Variants in PRKCB observed in about 807,000 individuals in gnomAD.
PRKCB encodes protein kinase C beta, also known as protein kinase C beta type.
A neutral mutation model predicts 81.5 loss-of-function variants in PRKCB; 13 were observed. The observed-to-expected ratio is 0.16, with a 90% CI of 0.10 to 0.25. The LOEUF (loss-of-function observed/expected upper bound fraction) is 0.25, where lower values mean the gene tolerates loss of function less well. PRKCB is among the 10% of genes least tolerant of loss of function. PRKCB has a pLI of 1.00. For synonymous variants in PRKCB, 335 were observed against 321.4 expected, an observed-to-expected ratio of 1.04 and a Z score of -0.45; for missense variants, 509 against 875.7, an observed-to-expected ratio of 0.58 and a Z score of 5.29.
At chr16:23,961,766 A>G (rs1350414672) in intron 2 of PRKCB, among the ~76,000 whole-genome samples, 1 of 152,160 alleles carries the variant, frequency 6.6e-6, no homozygotes, top group Non-Finnish European at 1.5e-5. Flanking sequence ...CCAAATCCAA[A>G]AAGTTAAAAT....
chr16:23,926,770 C>T lies in PRKCB; in HGVS notation c.206-61738C>T, dbSNP rs112472288. Among the ~76,000 whole-genome samples the T allele has an allele frequency of 7.3e-3, 1,108 of 151,796 alleles. 3 individuals are homozygous for T. The highest frequency in any genetic ancestry group is 0.031 in the Middle Eastern group (9 of 292). ...ATCTTTGCTATTGTACTGTGATAAA[C>T]GTATGAGTGCAGGCATCTTTTATAT... On this transcript the variant is annotated intron_variant, in intron 2 of 16. Coordinates refer to ENST00000643927, the MANE Select transcript of PRKCB (RefSeq NM_002738.7).
chr16:23,998,678 G>A (rs749842550), intron 3 of PRKCB, among the ~76,000 whole-genome samples: 24 of 152,184 alleles, frequency 1.6e-4, no homozygotes, highest in Non-Finnish European at 2.6e-4. Flanking sequence ...AAAGCACTTA[G>A]GACAGTGTCT....
chr16:24,035,308 C>A, intron 4 of PRKCB, 111 bp from the exon 5 acceptor site: 1 of 1,392,834 alleles, frequency 7.2e-7, no homozygotes, highest in Non-Finnish European at 9.8e-7. Context: ...TGTGTCTCAG[C>A]TGTCTCAAAG....
intron 2 of PRKCB, among the ~76,000 whole-genome samples, chr16:23,935,028 AC>A (rs1266876897): frequency 6.6e-6 from 1 of 152,186 alleles, no homozygotes; most frequent in African/African-American, 2.4e-5. Flanking sequence ...GGCAGCAGGC[AC>A]ATCTGGAACC....
At chr16:23,898,817 C>T (rs529048403) in intron 2 of PRKCB, among the ~76,000 whole-genome samples, 17 of 152,130 alleles carry the variant, frequency 1.1e-4, no homozygotes, top group African/African-American at 2.9e-4. Flanking sequence ...AGGGACCATG[C>T]GATCCTTAAC....
intron 9 of PRKCB, among the ~76,000 whole-genome samples, chr16:24,147,610 G>C (rs888914859): frequency 6.6e-6 from 1 of 152,180 alleles, no homozygotes; most frequent in Admixed American, 6.5e-5. Context: ...AAGAGGAATA[G>C]GACCAGGATC....
At chr16:24,097,914 C>T (rs1252849179) in intron 7 of PRKCB, among the ~76,000 whole-genome samples, 1 of 152,110 alleles carries the variant, frequency 6.6e-6, no homozygotes, top group Non-Finnish European at 1.5e-5. Context: ...GATGAAGCCT[C>T]CAGGTAGCAG....
chr16:23,888,776 A>G (rs77736773), intron 2 of PRKCB, among the ~76,000 whole-genome samples: 9,700 of 152,124 alleles, frequency 0.064, 1,008 homozygotes, highest in African/African-American at 0.22. Flanking sequence ...GCTACTGTGC[A>G]GGGACTGGGT....
intron 1 of PRKCB, among the ~76,000 whole-genome samples, chr16:23,836,972 C>T (rs928102033): frequency 5.9e-5 from 9 of 151,534 alleles, no homozygotes; most frequent in African/African-American, 1.9e-4. Context: ...GCATCCTTTC[C>T]TCCTTCCCAG....
intron 2 of PRKCB, among the ~76,000 whole-genome samples, chr16:23,892,728 C>A (rs74014172): frequency 0.015 from 2,349 of 152,116 alleles, 51 homozygotes; most frequent in African/African-American, 0.054. Context: ...TGGATGGGAG[C>A]TCAACACAAT....
chr16:23,984,343 A>T (rs894668991), intron 2 of PRKCB, among the ~76,000 whole-genome samples: 1 of 152,226 alleles, frequency 6.6e-6, no homozygotes, highest in African/African-American at 2.4e-5. Context: ...GTACAGGAAG[A>T]TGAGGTAGTG....
chr16:23,980,383 C>T (rs1023694374), intron 2 of PRKCB, among the ~76,000 whole-genome samples: 1 of 152,076 alleles, frequency 6.6e-6, no homozygotes, highest in East Asian at 1.9e-4. Flanking sequence ...AGTGGTTCTC[C>T]CAGCAGCTGT....
At chr16:23,873,467 C>T (rs866918019) in intron 2 of PRKCB, among the ~76,000 whole-genome samples, 3 of 152,042 alleles carry the variant, frequency 2.0e-5, no homozygotes, top group African/African-American at 7.2e-5. Context: ...TGTTTTTGGA[C>T]CATGGGTTTT....
chr16:24,062,663 G>T (rs1965987800), intron 5 of PRKCB, among the ~76,000 whole-genome samples: 1 of 152,054 alleles, frequency 6.6e-6, no homozygotes, highest in African/African-American at 2.4e-5. Flanking sequence ...ATCCACTGGG[G>T]GTGAGTTCAC....
chr16:23,930,341 G>T (rs779351338), intron 2 of PRKCB, among the ~76,000 whole-genome samples: 2 of 152,064 alleles, frequency 1.3e-5, no homozygotes, highest in African/African-American at 2.4e-5. Flanking sequence ...GGCCAAGGTG[G>T]GCAGATCACT....
At chr16:24,093,150 AG>A (rs1248713306) in intron 6 of PRKCB, among the ~76,000 whole-genome samples, 1 of 152,182 alleles carries the variant, frequency 6.6e-6, no homozygotes, top group Non-Finnish European at 1.5e-5. Flanking sequence ...AAAAAAAATT[AG>A]AGCTATTTTT....
chr16:23,953,165 CAGAGCCCCCTGACTCTGTTCTCTGG>C (rs1354964536), intron 2 of PRKCB, among the ~76,000 whole-genome samples: 5 of 152,148 alleles, frequency 3.3e-5, no homozygotes, highest in African/African-American at 1.2e-4. Flanking sequence ...CAATGAATGG[CAGAGCCCCCTGACTCTGTTCTCTGG>C]AGCTTGATCC....
At position 24,219,014 on chromosome 16, in the gene PRKCB, C is replaced by T. The variant is rs536192410; in HGVS notation, c.*4198C>T. On this transcript the variant is annotated 3_prime_UTR_variant, in exon 17 of 17. Coordinates refer to ENST00000643927, the MANE Select transcript of PRKCB (RefSeq NM_002738.7). ...ATATAGGAGGTGAGGACTCCAGCTC[C>T]ACCTGCCCCAGGTGGGTGTGGTGAT... 2.0e-6 allele frequency: 2 copies of T among 985,364 alleles called. No homozygotes were observed. The highest frequency in any genetic ancestry group is 4.7e-5 in the South Asian group (1 of 21,280). 61.0% of individuals were successfully genotyped at this position (985,364 alleles called of 1,614,324 possible).
At chr16:23,868,285 G>A (rs1962841657) in intron 2 of PRKCB, among the ~76,000 whole-genome samples, 1 of 152,218 alleles carries the variant, frequency 6.6e-6, no homozygotes, top group Non-Finnish European at 1.5e-5. Flanking sequence ...CCGTTTTGCA[G>A]AATGGGAAGC....
Sources: gnomAD v4.1 joint callset for allele counts (sites outside exome capture counted in the v4.1 genomes callset) on GRCh38, gnomAD v4.1.1 for gene constraint, MANE v1.5 for transcripts, NCBI Gene and HGNC (gene_info 2026-07-23, HGNC 2026-07-21) for gene names.